The following DLC1 variants were observed in gnomAD, a reference collection of about 807,000 sequenced individuals.
DLC1 encodes DLC1 Rho GTPase activating protein, also known as rho GTPase-activating protein 7.
DLC1 carries 54 observed loss-of-function variants against 140.3 expected under a neutral mutation model. The ratio of observed to expected loss-of-function variants is 0.38; its 90% CI spans 0.31 to 0.48. The LOEUF (loss-of-function observed/expected upper bound fraction) is 0.48. DLC1 is among the 20% of genes least tolerant of loss of function. The pLI, the probability that DLC1 is intolerant of heterozygous loss-of-function variation, is 0.96. For missense variants in DLC1, 2,536 were observed against 1,907.0 expected (o/e 1.33, Z -6.14); for synonymous variants, 986 against 728.1 (o/e 1.35, Z -5.70).
At chr8:13,412,776 C>T (rs1326513307) in intron 2 of DLC1, among the ~76,000 whole-genome samples, 1 of 151,714 alleles carries the variant, frequency 6.6e-6, no homozygotes, top group Non-Finnish European at 1.5e-5. Flanking sequence ...ACTAAAAATA[C>T]AAAAAATTAG....
chr8:13,101,324 A>C (rs923670745), intron 8 of DLC1, among the ~76,000 whole-genome samples: 1 of 152,218 alleles, frequency 6.6e-6, no homozygotes, highest in African/African-American at 2.4e-5. Flanking sequence ...TGGGATCCAT[A>C]GGCTGTTCTT....
At chr8:13,337,005 A>G (rs926376890) in intron 4 of DLC1, among the ~76,000 whole-genome samples, 1 of 152,192 alleles carries the variant, frequency 6.6e-6, no homozygotes, top group Admixed American at 6.5e-5. Flanking sequence ...AACAAAATCA[A>G]TTGTTTCTGG....
chr8:13,095,284 A>G lies in DLC1; in HGVS notation c.3168-39T>C, dbSNP rs1446629979. 5 of 1,613,144 alleles carry G rather than the reference A, an allele frequency of 3.1e-6. No homozygotes were observed. The Admixed American group carries it at 5.0e-5, about 16-fold the overall frequency. ...CAGAGATGGTGGTGTTGGCGGAGAC[A>G]TGCTCACTTGTCTGTCTACACTTGT... On this transcript the variant is annotated intron_variant, in intron 10 of 17. Coordinates refer to ENST00000276297, the MANE Select transcript of DLC1 (RefSeq NM_182643.3).
At chr8:13,174,757 A>G (rs190225931) in intron 5 of DLC1, among the ~76,000 whole-genome samples, 100 of 152,262 alleles carry the variant, frequency 6.6e-4, no homozygotes, top group East Asian at 1.9e-4. Context: ...GATTCTGCAT[A>G]TTAGAACTTT....
intron 4 of DLC1, among the ~76,000 whole-genome samples, chr8:13,344,930 A>C (rs1339019894): frequency 6.6e-6 from 1 of 152,188 alleles, no homozygotes; most frequent in Non-Finnish European, 1.5e-5. Flanking sequence ...TAATTGTTTG[A>C]TTATTTAATC....
At position 13,499,937 on chromosome 8, in the gene DLC1, T is replaced by C. The variant is rs1266447209; in HGVS notation, c.135A>G (p.Glu45=). The part of the protein sequence containing the change: ...LVADSLQASM[E]KDATLNVDRK... ...GGTCCACATTTAGAGTTGCATCTTTTTCCATACTTGCCTGCAAGCTGTCAG... is the reference window on the plus strand; with the variant it reads ...GGTCCACATTTAGAGTTGCATCTTTCTCCATACTTGCCTGCAAGCTGTCAG... The change falls in exon 2 of 18, where the codon GAA becomes GAG. Residue 45 remains glutamate (E), a synonymous_variant. Coordinates refer to ENST00000276297, the MANE Select transcript of DLC1 (RefSeq NM_182643.3). The C allele has an allele frequency of 5.0e-6, 8 of 1,614,014 alleles. No individual in the cohort carries two copies. In the African/African-American group the frequency reaches 1.1e-4, roughly 22 times the overall value.
intron 1 of DLC1, among the ~76,000 whole-genome samples, chr8:13,535,839 T>C (rs780484730): frequency 1.3e-5 from 2 of 152,164 alleles, no homozygotes; most frequent in Non-Finnish European, 2.9e-5. Flanking sequence ...TAATAGATTT[T>C]GACCAATCAG....
intron 5 of DLC1, among the ~76,000 whole-genome samples, chr8:13,188,801 GTATATATATATATATATATATATA>G (rs1237501850): frequency 0.093 from 6,621 of 71,506 alleles, 260 homozygotes; most frequent in South Asian, 0.15. Context: ...GTGTGTGTGT[GTATATATATATATATATATATATA>G]TGTATATATA....
At chr8:13,554,604 T>C (rs926247519) in intron 1 of DLC1, among the ~76,000 whole-genome samples, 96 of 152,340 alleles carry the variant, frequency 6.3e-4, no homozygotes, top group East Asian at 5.8e-4. Flanking sequence ...ACTTTTCTTT[T>C]TCTCACACCT....
intron 1 of DLC1, chr8:13,558,947 C>CAAAA (rs1026733783): frequency 6.6e-6 from 1 of 152,060 alleles, no homozygotes; most frequent in African/African-American, 2.4e-5. Context: ...AAAAGGCAGA[C>CAAAA]AAAACAAAAC....
At chr8:13,149,214 A>G (rs569183502) in intron 5 of DLC1, among the ~76,000 whole-genome samples, 168 of 152,218 alleles carry the variant, frequency 1.1e-3, no homozygotes, top group South Asian at 2.1e-3. Context: ...AAACTCCTCC[A>G]TTTGCCCTTC....
chr8:13,239,380 C>A (rs1829446075), intron 5 of DLC1, among the ~76,000 whole-genome samples: 1 of 151,914 alleles, frequency 6.6e-6, no homozygotes, highest in African/African-American at 2.4e-5. Context: ...GTGAAAAGTC[C>A]AGGATAACTG....
intron 5 of DLC1, 65 bp downstream of exon 5, chr8:13,305,204 T>A: frequency 6.3e-7 from 1 of 1,584,658 alleles, no homozygotes; most frequent in Non-Finnish European, 8.6e-7. Flanking sequence ...ATAAAATGCC[T>A]ATTTTAAGGT....
chr8:13,594,597 T>C (rs956105656), intron 1 of DLC1, among the ~76,000 whole-genome samples: 1 of 152,146 alleles, frequency 6.6e-6, no homozygotes, highest in Non-Finnish European at 1.5e-5. Flanking sequence ...TAATTTTGCA[T>C]TTTACATTTC....
intron 4 of DLC1, among the ~76,000 whole-genome samples, chr8:13,307,748 T>C (rs955846554): frequency 6.6e-6 from 1 of 152,206 alleles, no homozygotes; most frequent in African/African-American, 2.4e-5. Context: ...TTTTAAGCTT[T>C]TGACTGCAGA....
rs202225994 is a variant in DLC1, at chr8:13,560,767, T to TG, written c.-126+43769dup. ...TAATCTAATATGGCTAGTGTCCCTG[T>TG]GGGGGGGGAGGGAAAAAGGAAATTT... On this transcript the variant is annotated intron_variant, in intron 1 of 1. Transcript: ENST00000631382. Among the ~76,000 whole-genome samples the TG allele has an allele frequency of 5.8e-4, 87 of 150,770 alleles. No individual in the cohort carries two copies. In the Middle Eastern group the frequency reaches 0.01, roughly 18 times the overall value.
chr8:13,102,576 C>A (rs1049796699), intron 8 of DLC1, among the ~76,000 whole-genome samples: 2 of 152,078 alleles, frequency 1.3e-5, no homozygotes, highest in African/African-American at 4.8e-5. Context: ...GTGATCAGGT[C>A]AAAAACAATA....
intron 5 of DLC1, among the ~76,000 whole-genome samples, chr8:13,293,152 C>G (rs1399411616): frequency 6.6e-6 from 1 of 152,158 alleles, no homozygotes; most frequent in Non-Finnish European, 1.5e-5. Context: ...ATTGCTTAAG[C>G]CCAGGAGTTC....
At chr8:13,520,013 A>G (rs1246872702) in intron 1 of DLC1, among the ~76,000 whole-genome samples, 1 of 152,332 alleles carries the variant, frequency 6.6e-6, no homozygotes, top group South Asian at 2.1e-4. Flanking sequence ...GAACACTTTT[A>G]CACCGTTGGT....
Sources: allele counts gnomAD v4.1 joint callset (sites outside exome capture counted in the v4.1 genomes callset), GRCh38; gene constraint gnomAD v4.1.1; transcripts MANE v1.5; gene names NCBI Gene and HGNC (gene_info 2026-07-23, HGNC 2026-07-21).